Variants in TTC17 observed in about 807,000 individuals in gnomAD.
TTC17 encodes tetratricopeptide repeat protein 17.
A neutral mutation model predicts 143.8 loss-of-function variants in TTC17; 58 were observed. The observed-to-expected ratio is 0.40, with a 90% CI of 0.33 to 0.50. TTC17 has a LOEUF of 0.50. Among genes scored for constraint, TTC17 ranks in the 20% least tolerant of loss-of-function variants. TTC17 has a pLI of 0.49. For synonymous variants in TTC17, 501 were observed against 497.8 expected (o/e 1.01, Z -0.09); for missense variants, 1,273 against 1,392.5 (o/e 0.91, Z 1.37).
chr11:43,381,483 G>T (rs879357361), intron 2 of TTC17, among the ~76,000 whole-genome samples: 3 of 152,178 alleles, frequency 2.0e-5, no homozygotes, highest in Admixed American at 2.0e-4. Flanking sequence ...CTTACTGCTT[G>T]AAGACTAGGA....
At chr11:43,363,223 G>A (rs758341217) in intron 1 of TTC17, among the ~76,000 whole-genome samples, 19 of 152,132 alleles carry the variant, frequency 1.2e-4, no homozygotes, top group Non-Finnish European at 2.5e-4. Flanking sequence ...TCATTTTGAT[G>A]TTGTTTTTGC....
At chr11:43,394,646 A>G (rs1857511496) in intron 5 of TTC17, among the ~76,000 whole-genome samples, 1 of 152,204 alleles carries the variant, frequency 6.6e-6, no homozygotes, top group Non-Finnish European at 1.5e-5. Flanking sequence ...AGAAAATAAG[A>G]GTTCTATTTG....
chr11:43,439,481 T>C (rs1184551954), intron 16 of TTC17, among the ~76,000 whole-genome samples: 1 of 151,116 alleles, frequency 6.6e-6, no homozygotes, highest in Non-Finnish European at 1.5e-5. Context: ...TTTTTTTTTT[T>C]TTTTGAGATG....
Position 43,398,026 on chromosome 11 carries a change from C to T in TTC17, c.971C>T (p.Ala324Val). The change falls in exon 8 of 24, where the codon GCC becomes GTC. Residue 324 changes from alanine (A) to valine (V), a missense_variant. By Grantham distance (64) the Ala-to-Val change is moderately conservative. Around this residue, in one of 3 missense-constraint regions of TTC17, gnomAD observed 325 missense variants for 444.2 expected, o/e 0.73. Coordinates refer to ENST00000039989, the MANE Select transcript of TTC17 (RefSeq NM_018259.6). The stretch of plus-strand genomic sequence containing the variant: ...CTCTGTTATGACCACGCTTTGCAGG[C>T]CAGACCTGGGTTTGAGCAAGCTATA... Reference protein sequence around the residue: ...SVLCYDHALQARPGFEQAIKR... With the variant: ...SVLCYDHALQVRPGFEQAIKR... 6.2e-7 allele frequency: 1 copy of T among 1,613,284 alleles called. No homozygotes were observed. The highest frequency in any genetic ancestry group is 8.5e-7 in the Non-Finnish European group (1 of 1,179,878).
intron 2 of TTC17, among the ~76,000 whole-genome samples, chr11:43,380,024 A>C (rs1054155001): frequency 1.3e-5 from 2 of 152,208 alleles, no homozygotes; most frequent in Non-Finnish European, 2.9e-5. Flanking sequence ...AGAAACATTA[A>C]ATCAAATTGC....
At chr11:43,445,389 G>A (rs1219587986) in intron 18 of TTC17, among the ~76,000 whole-genome samples, 3 of 152,112 alleles carry the variant, frequency 2.0e-5, no homozygotes, top group Non-Finnish European at 4.4e-5. Context: ...AACAAAACTA[G>A]CATGAAATAC....
intron 1 of TTC17, among the ~76,000 whole-genome samples, chr11:43,369,144 TATTA>T (rs1218455865): frequency 4.6e-5 from 7 of 152,358 alleles, no homozygotes; most frequent in African/African-American, 1.7e-4. Context: ...TGTTCTACTT[TATTA>T]ATTATGTTAT....
At chr11:43,396,957 CAAAAAA>C in intron 6 of TTC17, 139 bp downstream of exon 6, 1 of 335,116 alleles carries the variant, frequency 3.0e-6, no homozygotes, top group Non-Finnish European at 5.0e-6. Flanking sequence ...AGTCCCACCA[CAAAAAA>C]AAAAAAAAAA....
rs528769591 is a variant in TTC17 at position 43,403,941 on chromosome 11, T to C, written c.1333-57T>C. On this transcript the variant is annotated intron_variant, in intron 10 of 23. Coordinates refer to ENST00000039989, the MANE Select transcript of TTC17 (RefSeq NM_018259.6). ...CGCTTTTTTGGTGTGAGTTAAATTA[T>C]AATCACAACTCCTTTTCCACTTTCA... 6 of 1,461,262 alleles carry C rather than the reference T, an allele frequency of 4.1e-6. No individual in the cohort carries two copies. The East Asian group carries it at 1.2e-4, about 29-fold the overall frequency. 90.5% of individuals were successfully genotyped at this position (1,461,262 alleles called of 1,614,324 possible). A position where few individuals can be genotyped will look rare whatever the true frequency, so the allele number is the denominator to read the frequency against.
intron 1 of TTC17, among the ~76,000 whole-genome samples, chr11:43,363,786 C>T (rs1856213610): frequency 6.6e-6 from 1 of 152,172 alleles, no homozygotes; most frequent in African/African-American, 2.4e-5. Flanking sequence ...TGCAAGTGAG[C>T]ACCTTGTACT....
At chr11:43,370,359 T>G (rs1856516760) in intron 1 of TTC17, 1 of 201,306 alleles carries the variant, frequency 5.0e-6, no homozygotes, top group South Asian at 7.3e-5. Flanking sequence ...AGATTTGTGA[T>G]AAGGGTAAAA....
rs189944225 is a variant in TTC17, at chr11:43,366,100, C to T, written c.159+6987C>T. Among the ~76,000 whole-genome samples the T allele has an allele frequency of 4.8e-4, 73 of 151,942 alleles. No homozygotes were observed. In the East Asian group the frequency reaches 0.013, roughly 28 times the overall value. Reference sequence around the variant, plus strand: ...GGTTCAAGCAATTTTTCTGCCTCAGCCTCCCGAGTAGCTGGGACTAGTTCA... The same window carrying T: ...GGTTCAAGCAATTTTTCTGCCTCAGTCTCCCGAGTAGCTGGGACTAGTTCA... On this transcript the variant is annotated intron_variant, in intron 1 of 23. Coordinates refer to ENST00000039989, the MANE Select transcript of TTC17 (RefSeq NM_018259.6).
intron 1 of TTC17, among the ~76,000 whole-genome samples, chr11:43,374,924 G>A (rs532493717): frequency 3.3e-5 from 5 of 152,134 alleles, no homozygotes; most frequent in South Asian, 2.1e-4. Flanking sequence ...AGAAAAATAA[G>A]AGCCACAGTA....
chr11:43,445,813 C>A, intron 18 of TTC17: 1 of 636,956 alleles, frequency 1.6e-6, no homozygotes, highest in Non-Finnish European at 2.8e-6. Context: ...AGTTATAAAG[C>A]AAAGTATTAA....
chr11:43,400,338 C>A (rs554175207), intron 9 of TTC17, among the ~76,000 whole-genome samples: 1 of 152,178 alleles, frequency 6.6e-6, no homozygotes, highest in South Asian at 2.1e-4. Context: ...TTTTTTCCTA[C>A]CCTAATATGC....
At chr11:43,488,647 TA>T (rs1198166198) in intron 21 of TTC17, among the ~76,000 whole-genome samples, 6 of 152,134 alleles carry the variant, frequency 3.9e-5, no homozygotes, top group African/African-American at 1.4e-4. Flanking sequence ...TATTTAAATG[TA>T]AAAAATGAAA....
chr11:43,408,992 C>G (rs1289045480), intron 15 of TTC17, among the ~76,000 whole-genome samples: 1 of 152,154 alleles, frequency 6.6e-6, no homozygotes, highest in Admixed American at 6.5e-5. Context: ...ATCCTCCCAT[C>G]TCAGCCTCCA....
At chr11:43,365,337 T>G (rs1856290843) in intron 1 of TTC17, among the ~76,000 whole-genome samples, 1 of 152,082 alleles carries the variant, frequency 6.6e-6, no homozygotes. Flanking sequence ...GGCATGATTA[T>G]GGCTCATTGT....
intron 21 of TTC17, among the ~76,000 whole-genome samples, chr11:43,474,092 A>AG: frequency 6.6e-6 from 1 of 152,246 alleles, no homozygotes; most frequent in Non-Finnish European, 1.5e-5. Context: ...CAAATTGGAA[A>AG]CAACCCAAAT....
Sources: gnomAD v4.1 joint callset for allele counts (sites outside exome capture counted in the v4.1 genomes callset) on GRCh38, gnomAD v4.1.1 for gene constraint, gnomAD v4.1.1 regional missense constraint, MANE v1.5 for transcripts, NCBI Gene and HGNC (gene_info 2026-07-23, HGNC 2026-07-21) for gene names.